PCNX2: variants seen among roughly 807,000 people sequenced by gnomAD.
PCNX2 encodes pecanex 2, also known as pecanex-like protein 2.
In PCNX2, 168 loss-of-function variants were observed where a neutral mutation model predicts 223.8. The observed-to-expected ratio is 0.75, with a 90% CI of 0.66 to 0.85. PCNX2 has a LOEUF of 0.85. PCNX2 is among the 40% of genes least tolerant of loss of function. The pLI is 0.00. For synonymous variants in PCNX2, 1,006 were observed against 1,052.6 expected (o/e 0.96, Z 0.86); for missense variants, 2,507 against 2,675.5 (o/e 0.94, Z 1.39).
chr1:233,289,475 C>T (rs762888138), intron 1 of PCNX2: 21 of 1,008,348 alleles, frequency 2.1e-5, no homozygotes, highest in Admixed American at 1.3e-4. Context: ...ACTTGCCGAG[C>T]GCCGGCTTAG....
At chr1:233,044,332 C>A (rs898498659) in intron 25 of PCNX2, among the ~76,000 whole-genome samples, 5 of 152,104 alleles carry the variant, frequency 3.3e-5, no homozygotes, top group Non-Finnish European at 5.9e-5. Flanking sequence ...GAGTAGGTTG[C>A]AAAAATTTTC....
intron 8 of PCNX2, chr1:233,241,312 T>C: frequency 1.3e-5 from 13 of 985,408 alleles, no homozygotes; most frequent in Non-Finnish European, 1.6e-5. Flanking sequence ...AGAACCACAC[T>C]GAGCGGCAGG....
At position 233,128,870 on chromosome 1, in the gene PCNX2, C is replaced by T. The variant is rs1051231700; in HGVS notation, c.3837+6143G>A. Among the ~76,000 whole-genome samples, 9 of 152,164 alleles carry T rather than the reference C, an allele frequency of 5.9e-5. No homozygotes were observed. The South Asian group carries it at 8.3e-4, about 14-fold the overall frequency. ...GGAAGGGATCGAGGAAATGAAGGAG[C>T]GAGGAAGAAGGATGTGTGGTAGGAG... On this transcript the variant is annotated intron_variant, in intron 21 of 33. Coordinates refer to ENST00000258229, the MANE Select transcript of PCNX2 (RefSeq NM_014801.4).
chr1:232,988,312 G>A (rs1402808453), intron 32 of PCNX2, among the ~76,000 whole-genome samples: 3 of 152,148 alleles, frequency 2.0e-5, no homozygotes, highest in African/African-American at 7.2e-5. Flanking sequence ...CCAGGAACAA[G>A]GGGACAAATA....
chr1:233,060,629 A>G (rs1672373047), intron 23 of PCNX2, among the ~76,000 whole-genome samples: 1 of 152,194 alleles, frequency 6.6e-6, no homozygotes, highest in East Asian at 1.9e-4. Flanking sequence ...TTAGCTCAGT[A>G]ATTGGATTTC....
chr1:233,119,370 TA>T (rs1267108151), intron 21 of PCNX2, among the ~76,000 whole-genome samples: 2 of 109,934 alleles, frequency 1.8e-5, no homozygotes, highest in Non-Finnish European at 3.4e-5. Context: ...CCATCCTGGC[TA>T]ACATGGTGAA....
At chr1:233,121,847 G>A (rs1380785703) in intron 21 of PCNX2, among the ~76,000 whole-genome samples, 3 of 152,136 alleles carry the variant, frequency 2.0e-5, no homozygotes, top group Non-Finnish European at 4.4e-5. Context: ...TTCTAGATAT[G>A]TGTATATACA....
intron 17 of PCNX2, among the ~76,000 whole-genome samples, chr1:233,171,092 C>T (rs139199727): frequency 7.5e-4 from 114 of 152,298 alleles, no homozygotes; most frequent in African/African-American, 2.6e-3. Flanking sequence ...AGACCTCTGA[C>T]GACTTGAAGT....
chr1:233,277,502 T>G (rs1469492886), intron 1 of PCNX2, among the ~76,000 whole-genome samples: 1 of 152,068 alleles, frequency 6.6e-6, no homozygotes, highest in East Asian at 1.9e-4. Context: ...CAAACCAACA[T>G]GGCCTAAGGG....
At chr1:233,218,462 G>C (rs566635170) in intron 10 of PCNX2, among the ~76,000 whole-genome samples, 1 of 152,072 alleles carries the variant, frequency 6.6e-6, no homozygotes, top group East Asian at 1.9e-4. Flanking sequence ...ATGTTAGTCA[G>C]GATGGTCTTG....
At chr1:233,222,975 A>G (rs1657479101) in intron 10 of PCNX2, among the ~76,000 whole-genome samples, 1 of 152,200 alleles carries the variant, frequency 6.6e-6, no homozygotes, top group Admixed American at 6.5e-5. Flanking sequence ...TCACTGGCAT[A>G]TTAAAAGCCA....
chr1:233,188,522 G>C (rs1347323590), intron 15 of PCNX2, among the ~76,000 whole-genome samples: 1 of 152,066 alleles, frequency 6.6e-6, no homozygotes. Flanking sequence ...GACCCACTCA[G>C]AGTAATCTCC....
At chr1:233,094,724 T>C (rs751847242) in intron 22 of PCNX2, among the ~76,000 whole-genome samples, 3 of 152,204 alleles carry the variant, frequency 2.0e-5, no homozygotes, top group African/African-American at 4.8e-5. Flanking sequence ...AAATTTCATA[T>C]GGAAGAGAGT....
At chr1:233,170,173 G>A (rs1258417897) in intron 17 of PCNX2, among the ~76,000 whole-genome samples, 1 of 152,164 alleles carries the variant, frequency 6.6e-6, no homozygotes, top group Non-Finnish European at 1.5e-5. Context: ...AAGTACCTAG[G>A]AGTAGAATTG....
At position 233,218,264 on chromosome 1, in the gene PCNX2, T is replaced by C. The variant is rs1224377054; in HGVS notation, c.2505-80A>G. On this transcript the variant is annotated intron_variant, in intron 10 of 33. Coordinates refer to ENST00000258229, the MANE Select transcript of PCNX2 (RefSeq NM_014801.4). ...GTTTTGCCTTTTTTTTTTTTTTTTTTCTGAGATGGAATCTTGCTCTATCGC... is the reference window on the plus strand; with the variant it reads ...GTTTTGCCTTTTTTTTTTTTTTTTTCCTGAGATGGAATCTTGCTCTATCGC... 63 of 1,040,142 alleles carry C rather than the reference T, an allele frequency of 6.1e-5. No individual in the cohort carries two copies. The African/African-American group carries it at 7.6e-4, about 13-fold the overall frequency. The allele number at this position is 1,040,142 out of a possible 1,614,324, so 64.4% of individuals were successfully genotyped here.
chr1:233,113,552 T>C (rs1022033324), intron 21 of PCNX2, among the ~76,000 whole-genome samples: 14 of 152,200 alleles, frequency 9.2e-5, no homozygotes, highest in African/African-American at 2.9e-4. Flanking sequence ...AGTCAATATG[T>C]GCTGAGTAAT....
At chr1:233,308,008 G>C in the PCNX2 span, among the ~76,000 whole-genome samples, 33 of 152,306 alleles carry the variant, frequency 2.2e-4, no homozygotes, top group East Asian at 6.4e-3. Context: ...ACCAAGTTAT[G>C]AATTGAGAAA....
chr1:233,188,976 G>A (rs1251623475), intron 15 of PCNX2, among the ~76,000 whole-genome samples: 1 of 152,216 alleles, frequency 6.6e-6, no homozygotes, highest in Non-Finnish European at 1.5e-5. Flanking sequence ...CATTCAAGGG[G>A]AGGAAATTGT....
intron 15 of PCNX2, among the ~76,000 whole-genome samples, chr1:233,185,084 A>C (rs1680014660): frequency 7.1e-6 from 1 of 141,716 alleles, no homozygotes; most frequent in Non-Finnish European, 1.5e-5. Context: ...TACATACATA[A>C]ACACACACAC....
Sources: allele counts gnomAD v4.1 joint callset (sites outside exome capture counted in the v4.1 genomes callset), GRCh38; gene constraint gnomAD v4.1.1; transcripts MANE v1.5; gene names NCBI Gene and HGNC (gene_info 2026-07-23, HGNC 2026-07-21).